Variants in PIP5K1B observed in about 807,000 individuals in gnomAD.
PIP5K1B encodes phosphatidylinositol-4-phosphate 5-kinase type 1 beta.
A neutral mutation model predicts 67.0 loss-of-function variants in PIP5K1B; 42 were observed. The observed-to-expected ratio is 0.63, with a 90% CI of 0.49 to 0.81. The LOEUF (loss-of-function observed/expected upper bound fraction) is 0.81. Among genes scored for constraint, PIP5K1B ranks in the 30% least tolerant of loss-of-function variants. The pLI is 0.00. For synonymous variants in PIP5K1B, 214 were observed against 231.4 expected (o/e 0.92, Z 0.68); for missense variants, 459 against 646.3 (o/e 0.71, Z 3.14).
intron 8 of PIP5K1B, among the ~76,000 whole-genome samples, chr9:68,897,391 T>G (rs2132423333): frequency 6.6e-6 from 1 of 152,348 alleles, no homozygotes; most frequent in African/African-American, 2.4e-5. Flanking sequence ...CAGTCTAGTA[T>G]GTGCAATGAT....
intron 2 of PIP5K1B, chr9:68,789,662 A>G: frequency 3.1e-6 from 1 of 318,394 alleles, no homozygotes; most frequent in South Asian, 2.9e-5. Context: ...AGAAAAGTCT[A>G]TAAATCATGA....
At chr9:68,982,636 C>T (rs1829930176) in intron 14 of PIP5K1B, among the ~76,000 whole-genome samples, 1 of 151,938 alleles carries the variant, frequency 6.6e-6, no homozygotes. Context: ...GTGGTGCGCA[C>T]CTGTAGTCCC....
chr9:68,864,141 G>A (rs1462117648), intron 5 of PIP5K1B, among the ~76,000 whole-genome samples, 174 bp downstream of exon 5: 1 of 152,208 alleles, frequency 6.6e-6, no homozygotes, highest in Non-Finnish European at 1.5e-5. Flanking sequence ...TCATCAGGAT[G>A]TCTCACAATT....
chr9:68,836,880 C>T (rs1460069632), intron 4 of PIP5K1B, among the ~76,000 whole-genome samples: 1 of 152,228 alleles, frequency 6.6e-6, no homozygotes, highest in Non-Finnish European at 1.5e-5. Flanking sequence ...CACACAGTGG[C>T]TGGTATACAA....
Position 68,904,621 on chromosome 9 carries a change from AG to A in PIP5K1B, c.771+9989del, listed in dbSNP as rs72520515. On this transcript the variant is annotated intron_variant, in intron 8 of 15. Coordinates refer to ENST00000265382, the MANE Select transcript of PIP5K1B (RefSeq NM_003558.4). ...TCCTTCTGAGCAATGCAGCGGTTACAGGGGGGTTGATTGTTTTTGAAATCTT... is the reference window on the plus strand; with the variant it reads ...TCCTTCTGAGCAATGCAGCGGTTACAGGGGGTTGATTGTTTTTGAAATCTT... Among the ~76,000 whole-genome samples the A allele has an allele frequency of 2.6e-3, 394 of 152,288 alleles. 3 individuals are homozygous for A. The highest frequency in any genetic ancestry group is 8.5e-3 in the African/African-American group (353 of 41,564).
At chr9:68,815,496 G>A (rs1303754893) in intron 2 of PIP5K1B, among the ~76,000 whole-genome samples, 2 of 151,998 alleles carry the variant, frequency 1.3e-5, no homozygotes, top group African/African-American at 4.8e-5. Context: ...GATCCCGGAA[G>A]GATTAAAATA....
At chr9:68,936,239 T>C (rs1249592952) in intron 13 of PIP5K1B, among the ~76,000 whole-genome samples, 1 of 152,194 alleles carries the variant, frequency 6.6e-6, no homozygotes, top group Non-Finnish European at 1.5e-5. Flanking sequence ...GAAGTGGTGA[T>C]TGTAGACAGC....
intron 12 of PIP5K1B, among the ~76,000 whole-genome samples, chr9:68,933,019 G>A (rs1248066725): frequency 2.6e-5 from 4 of 151,788 alleles, no homozygotes; most frequent in African/African-American, 9.7e-5. Flanking sequence ...AGAATTGCTT[G>A]AACCTGGGAG....
rs142777134 is a variant in PIP5K1B, at chr9:68,708,701, T to C, written c.-243+2939T>C. ...AATAAATTTCAGGAGATGCTAATAC[T>C]GTCTCGTGGTTTCAGAGGGGGAACC... is the stretch of plus-strand genomic sequence containing the variant. On this transcript the variant is annotated intron_variant, in intron 1 of 15. Transcript: ENST00000265382. Among the ~76,000 whole-genome samples the C allele has an allele frequency of 8.6e-3, 1,307 of 152,350 alleles. 23 individuals are homozygous for C. The highest frequency in any genetic ancestry group is 0.03 in the African/African-American group (1,237 of 41,564).
At chr9:68,793,443 T>C (rs962433554) in intron 2 of PIP5K1B, among the ~76,000 whole-genome samples, 1 of 152,088 alleles carries the variant, frequency 6.6e-6, no homozygotes, top group Non-Finnish European at 1.5e-5. Context: ...ATAGCTTGGA[T>C]GAGGGTGGTA....
intron 14 of PIP5K1B, among the ~76,000 whole-genome samples, chr9:68,987,290 G>GT (rs1218918798): frequency 6.6e-6 from 1 of 151,112 alleles, no homozygotes; most frequent in Non-Finnish European, 1.5e-5. Flanking sequence ...GGGGCCAGGC[G>GT]TGGCGGCTTA....
At chr9:68,911,391 A>G (rs1417337109) in intron 8 of PIP5K1B, among the ~76,000 whole-genome samples, 1 of 151,768 alleles carries the variant, frequency 6.6e-6, no homozygotes, top group Non-Finnish European at 1.5e-5. Context: ...AAAAAAAAAA[A>G]AAAGAATGGG....
intron 15 of PIP5K1B, among the ~76,000 whole-genome samples, chr9:69,005,886 T>C (rs969191884): frequency 6.6e-6 from 1 of 151,844 alleles, no homozygotes; most frequent in Non-Finnish European, 1.5e-5. Context: ...TCTTTCTTTT[T>C]TTTTTTCTTT....
intron 12 of PIP5K1B, among the ~76,000 whole-genome samples, chr9:68,926,636 A>G (rs1340899232): frequency 2.6e-5 from 4 of 152,006 alleles, no homozygotes; most frequent in Non-Finnish European, 4.4e-5. Flanking sequence ...CAATGGCGCA[A>G]TCTTGGCTTA....
At chr9:68,877,419 A>G (rs1823951443) in intron 6 of PIP5K1B, among the ~76,000 whole-genome samples, 2 of 152,216 alleles carry the variant, frequency 1.3e-5, no homozygotes, top group Non-Finnish European at 2.9e-5. Context: ...ATTCCTGTTC[A>G]AGAAGCCAGG....
chr9:68,898,437 G>A (rs1357672297), intron 8 of PIP5K1B, among the ~76,000 whole-genome samples: 1 of 152,142 alleles, frequency 6.6e-6, no homozygotes, highest in African/African-American at 2.4e-5. Context: ...AAGTTAATTT[G>A]AGCCAAGGAA....
intron 2 of PIP5K1B, among the ~76,000 whole-genome samples, chr9:68,811,425 T>C (rs922634835): frequency 2.6e-5 from 4 of 152,112 alleles, no homozygotes; most frequent in African/African-American, 9.7e-5. Flanking sequence ...CTGGGAGCCA[T>C]AGACAGGGAT....
At chr9:68,708,670 G>A (rs756723125) in intron 1 of PIP5K1B, among the ~76,000 whole-genome samples, 1 of 151,980 alleles carries the variant, frequency 6.6e-6, no homozygotes, top group Non-Finnish European at 1.5e-5. Flanking sequence ...TTAAAACAGG[G>A]TATTGAATAA....
chr9:68,884,289 C>G (rs1362285655), intron 6 of PIP5K1B, among the ~76,000 whole-genome samples: 1 of 150,654 alleles, frequency 6.6e-6, no homozygotes, highest in African/African-American at 2.4e-5. Flanking sequence ...GGAACTCAAA[C>G]TACTCAATAA....
Sources: allele counts gnomAD v4.1 joint callset (sites outside exome capture counted in the v4.1 genomes callset), GRCh38; gene constraint gnomAD v4.1.1; transcripts MANE v1.5; gene names NCBI Gene and HGNC (gene_info 2026-07-23, HGNC 2026-07-21).